Variants in ATXN2 observed in about 807,000 individuals in gnomAD.
ATXN2 encodes the protein ataxin 2.
A neutral mutation model predicts 138.6 loss-of-function variants in ATXN2; 37 were observed. That is an observed-to-expected ratio of 0.27 (90% CI 0.21 to 0.35). The LOEUF is 0.35. Among genes scored for constraint, ATXN2 ranks in the 10% least tolerant of loss-of-function variants. The probability of loss-of-function intolerance (pLI) is 1.00; values close to 1 mark genes in which losing one functional copy is unlikely to be tolerated. For missense variants in ATXN2, 1,216 were observed against 1,480.3 expected (o/e 0.82, Z 2.93); for synonymous variants, 549 against 543.7 (o/e 1.01, Z -0.13).
At chr12:111,555,148 G>A (rs575315146) in intron 2 of ATXN2, among the ~76,000 whole-genome samples, 1 of 152,112 alleles carries the variant, frequency 6.6e-6, no homozygotes, top group East Asian at 1.9e-4. Context: ...AAAAATGAAA[G>A]CAGCAGAAAA....
rs1449662540 is a variant in ATXN2, at chr12:111,513,554, G to A, written c.1376-15C>T. On this transcript the variant is annotated splice_polypyrimidine_tract_variant and intron_variant, in intron 10 of 24. Transcript: ENST00000673436. ...CCTTGGAGGCCCTAAGGAAGAAACA[G>A]TGAACATCACATAAATTCCATGATA... The A allele has an allele frequency of 6.2e-7, 1 of 1,600,994 alleles. No individual in the cohort carries two copies.
chr12:111,491,980 T>C (rs956675776), intron 14 of ATXN2, among the ~76,000 whole-genome samples: 2 of 152,156 alleles, frequency 1.3e-5, no homozygotes, highest in South Asian at 2.1e-4. Context: ...CCTGCTGCAC[T>C]GAAAGTAAAG....
intron 14 of ATXN2, among the ~76,000 whole-genome samples, chr12:111,500,962 A>T (rs1441879321): frequency 1.3e-5 from 2 of 152,248 alleles, no homozygotes; most frequent in East Asian, 3.8e-4. Flanking sequence ...GGGTGACTAC[A>T]GTCAGCATTA....
intron 18 of ATXN2, among the ~76,000 whole-genome samples, chr12:111,475,765 G>GA (rs943633620): frequency 1.7e-4 from 25 of 147,420 alleles, no homozygotes; most frequent in South Asian, 6.4e-4. Flanking sequence ...AAGGTAATCT[G>GA]AAAAAAAAAA....
At position 111,525,241 on chromosome 12, in the gene ATXN2, G is replaced by C; in HGVS notation, c.647C>G (p.Ala216Gly). Residue 216 changes from alanine to glycine, a missense_variant, in exon 6 of 25, where the codon GCA becomes GGA. Transcript: ENST00000673436. ...TTCCTCATTGGCTGTGAGTTCACCT[G>C]CATCCCAGGGCTCCAGGTCCTTCTC... ...HKEKDLEPWD[A>G]GELTANEELE... The C allele has an allele frequency of 6.2e-7, 1 of 1,613,512 alleles. No individual in the cohort carries two copies. Among genetic ancestry groups the C allele is most frequent in the Non-Finnish European group, 8.5e-7 (1 of 1,179,850 alleles).
chr12:111,594,536 A>T (rs796698323), intron 1 of ATXN2, among the ~76,000 whole-genome samples: 3 of 152,120 alleles, frequency 2.0e-5, no homozygotes, highest in Admixed American at 2.0e-4. Context: ...AGAAAGAAGC[A>T]GTAAAAATAC....
intron 1 of ATXN2, among the ~76,000 whole-genome samples, chr12:111,560,098 G>A (rs543418213): frequency 1.1e-3 from 160 of 152,220 alleles, no homozygotes; most frequent in Non-Finnish European, 1.9e-3. Flanking sequence ...TCAAAGAAGC[G>A]CAAATTTGAT....
chr12:111,476,669 A>G (rs1876835868), intron 18 of ATXN2, among the ~76,000 whole-genome samples: 1 of 152,222 alleles, frequency 6.6e-6, no homozygotes, highest in Non-Finnish European at 1.5e-5. Flanking sequence ...ATGAAATATT[A>G]AGGGATAAAT....
intron 21 of ATXN2, among the ~76,000 whole-genome samples, chr12:111,462,977 T>TACACACACACAC (rs59710594): frequency 6.8e-6 from 1 of 147,740 alleles, no homozygotes; most frequent in African/African-American, 2.5e-5. Context: ...TATATATATA[T>TACACACACACAC]ACACACACAC....
At chr12:111,523,776 A>G (rs77218438) in intron 6 of ATXN2, among the ~76,000 whole-genome samples, 1 of 147,868 alleles carries the variant, frequency 6.8e-6, no homozygotes, top group Admixed American at 6.7e-5. Flanking sequence ...AAAAAAAAAA[A>G]TCCTGGTCAG....
chr12:111,597,628 A>G (rs1270101018), intron 1 of ATXN2: 1 of 427,584 alleles, frequency 2.3e-6, no homozygotes, highest in East Asian at 7.1e-5. Context: ...CGCCACCCCC[A>G]ACAGGCCCTC....
intron 1 of ATXN2, chr12:111,564,799 T>TGCC (rs945627572): frequency 2.4e-4 from 36 of 152,328 alleles, no homozygotes; most frequent in African/African-American, 8.7e-4. Context: ...TTTACATGAA[T>TGCC]CAGTATTTAC....
chr12:111,469,972 G>A (rs1365710944), intron 20 of ATXN2, 136 bp downstream of exon 20: 2 of 1,037,624 alleles, frequency 1.9e-6, no homozygotes, highest in African/African-American at 3.2e-5. Flanking sequence ...GCAAAGAAAT[G>A]GGTTCATCTT....
rs572970137 is a variant in ATXN2 at position 111,505,385 on chromosome 12, T to C, written c.1935+4164A>G. 7.4e-4 allele frequency among the ~76,000 whole-genome samples: 112 copies of C among 152,300 alleles called. 1 individual carries two copies. Among genetic ancestry groups the C allele is most frequent in the Non-Finnish European group, 1.5e-3 (101 of 68,030 alleles). Reference sequence around the variant, plus strand: ...TCATCAAAATTAAAAATTTTTGTGCTTCAAGGGATGAAAAAGTAAAAAGAC... The same window carrying C: ...TCATCAAAATTAAAAATTTTTGTGCCTCAAGGGATGAAAAAGTAAAAAGAC... On this transcript the variant is annotated intron_variant, in intron 14 of 24. Transcript: ENST00000673436.
At chr12:111,558,545 C>A (rs1396894093) in intron 1 of ATXN2, among the ~76,000 whole-genome samples, 1 of 152,100 alleles carries the variant, frequency 6.6e-6, no homozygotes, top group Non-Finnish European at 1.5e-5. Flanking sequence ...TGCTTGTAAT[C>A]CCAGCACTTT....
At chr12:111,510,785 TACTA>T in intron 11 of ATXN2, 1 of 412,470 alleles carries the variant, frequency 2.4e-6, no homozygotes, top group Non-Finnish European at 4.3e-6. Flanking sequence ...CAGCAGCAAT[TACTA>T]ACATAAGTAT....
chr12:111,572,043 G>A (rs1325288242), intron 1 of ATXN2, among the ~76,000 whole-genome samples: 4 of 147,114 alleles, frequency 2.7e-5, no homozygotes, highest in African/African-American at 7.5e-5. Context: ...TTTAAAATAT[G>A]TAAAGAAAAC....
chr12:111,482,711 T>TA (rs879265243), intron 18 of ATXN2: 196 of 142,696 alleles, frequency 1.4e-3, no homozygotes, highest in South Asian at 1.3e-3. Context: ...AAAATGGCAG[T>TA]AAAAAAAAAA....
intron 20 of ATXN2, 127 bp from the exon 21 acceptor site, chr12:111,464,842 C>CA: frequency 1.4e-6 from 1 of 724,064 alleles, no homozygotes; most frequent in South Asian, 1.7e-5. Context: ...TAAGAGATGA[C>CA]AAGCACTTTA....
Sources: gnomAD v4.1 joint callset for allele counts (sites outside exome capture counted in the v4.1 genomes callset) on GRCh38, gnomAD v4.1.1 for gene constraint, MANE v1.5 for transcripts, NCBI Gene and HGNC (gene_info 2026-07-23, HGNC 2026-07-21) for gene names.